Variants in SPATA16 observed in about 807,000 individuals in gnomAD.
The protein encoded by SPATA16 is spermatogenesis associated 16, also known as spermatogenesis-associated protein 16.
Under a neutral mutation model 63.3 loss-of-function variants are expected in SPATA16, and 36 were observed. The observed-to-expected ratio is 0.57, with a 90% CI of 0.44 to 0.75. The LOEUF (loss-of-function observed/expected upper bound fraction) is 0.75. Among genes scored for constraint, SPATA16 ranks in the 30% least tolerant of loss-of-function variants. The pLI, the probability that SPATA16 is intolerant of heterozygous loss-of-function variation, is 0.00. For missense variants in SPATA16, 646 were observed against 679.3 expected, an observed-to-expected ratio of 0.95 and a Z score of 0.54; for synonymous variants, 203 against 216.7, an observed-to-expected ratio of 0.94 and a Z score of 0.56.
At position 172,954,338 on chromosome 3, in the gene SPATA16, G is replaced by A. The variant is rs181152599; in HGVS notation, c.1081+2339C>T. Among the ~76,000 whole-genome samples, 2 of 152,246 alleles carry A rather than the reference G, an allele frequency of 1.3e-5. 1 individual carries two copies. The highest frequency in any genetic ancestry group is 1.3e-4 in the Admixed American group (2 of 15,284). On this transcript the variant is annotated intron_variant, in intron 6 of 10. Coordinates refer to ENST00000351008, the MANE Select transcript of SPATA16 (RefSeq NM_031955.6). Reference sequence around the variant, plus strand: ...TCATGTGAGACTTATTTACTACCATGAGAACAGTATGGGGGAAACCACCCC... The same window carrying A: ...TCATGTGAGACTTATTTACTACCATAAGAACAGTATGGGGGAAACCACCCC...
At chr3:172,961,059 CTTTCTTCTTT>C in intron 5 of SPATA16, among the ~76,000 whole-genome samples, 1 of 36,282 alleles carries the variant, frequency 2.8e-5, no homozygotes, top group Admixed American at 3.7e-4. Context: ...TTCTTTCTTT[CTTTCTTCTTT>C]CTTCCTTCCT....
At chr3:173,034,137 G>A (rs16846434) in intron 3 of SPATA16, among the ~76,000 whole-genome samples, 13,747 of 152,172 alleles carry the variant, frequency 0.09, 767 homozygotes, top group Middle Eastern at 0.13. Flanking sequence ...CACTGTTCAG[G>A]TTTTAAAGAA....
chr3:172,895,961 C>A (rs1732000284), intron 10 of SPATA16, among the ~76,000 whole-genome samples: 1 of 151,436 alleles, frequency 6.6e-6, no homozygotes, highest in African/African-American at 2.4e-5. Context: ...AGGGCAATTT[C>A]TAGGTTATAT....
At chr3:172,935,207 A>G (rs1164258595) in intron 6 of SPATA16, among the ~76,000 whole-genome samples, 2 of 152,220 alleles carry the variant, frequency 1.3e-5, no homozygotes, top group Non-Finnish European at 1.5e-5. Flanking sequence ...GTACGTGTCA[A>G]TAGTCCTACC....
At chr3:172,990,762 T>C (rs1734557633) in intron 4 of SPATA16, among the ~76,000 whole-genome samples, 1 of 152,154 alleles carries the variant, frequency 6.6e-6, no homozygotes, top group African/African-American at 2.4e-5. Context: ...TGTTCTTAAC[T>C]AGTCCACTTC....
At chr3:172,995,354 T>A (rs1045797687) in intron 4 of SPATA16, among the ~76,000 whole-genome samples, 1 of 152,044 alleles carries the variant, frequency 6.6e-6, no homozygotes, top group Non-Finnish European at 1.5e-5. Context: ...GCTAGATGTC[T>A]TCTTGGGGCT....
intron 6 of SPATA16, among the ~76,000 whole-genome samples, chr3:172,950,655 T>C (rs1441856962): frequency 6.6e-6 from 1 of 152,204 alleles, no homozygotes; most frequent in Non-Finnish European, 1.5e-5. Flanking sequence ...AACATAAGAA[T>C]GTATTATTCT....
At chr3:172,926,696 A>G (rs939684956) in intron 6 of SPATA16, among the ~76,000 whole-genome samples, 1 of 152,198 alleles carries the variant, frequency 6.6e-6, no homozygotes, top group African/African-American at 2.4e-5. Context: ...GTGCTTGAAG[A>G]GGTTACAAAC....
chr3:172,932,806 C>T, intron 6 of SPATA16, among the ~76,000 whole-genome samples: 1 of 151,592 alleles, frequency 6.6e-6, no homozygotes, highest in East Asian at 1.9e-4. Flanking sequence ...ATTATATTTC[C>T]CTTTGACCTT....
At chr3:172,965,629 T>G (rs930821155) in intron 5 of SPATA16, among the ~76,000 whole-genome samples, 2 of 151,834 alleles carry the variant, frequency 1.3e-5, no homozygotes, top group Admixed American at 1.3e-4. Flanking sequence ...TATTTTTCTT[T>G]ATTATTTATT....
chr3:172,923,849 C>T (rs1403835015), intron 8 of SPATA16, among the ~76,000 whole-genome samples: 3 of 152,100 alleles, frequency 2.0e-5, no homozygotes, highest in Non-Finnish European at 4.4e-5. Context: ...TGGTTATATG[C>T]AATAGCTCAA....
Position 173,123,227 on chromosome 3 carries a change from G to T in SPATA16, c.-18-5478C>A, listed in dbSNP as rs1163645476. Among the ~76,000 whole-genome samples the T allele has an allele frequency of 3.3e-5, 5 of 152,244 alleles. No homozygotes were observed. The East Asian group carries it at 9.6e-4, about 29-fold the overall frequency. On this transcript the variant is annotated intron_variant, in intron 1 of 10. Coordinates refer to ENST00000351008, the MANE Select transcript of SPATA16 (RefSeq NM_031955.6). ...CTCAGTTTATGAAGTTATCTCACTG[G>T]ATTAATCCATTTGTTTCTGACAACA...
chr3:172,948,017 G>A (rs1733334012), intron 6 of SPATA16, among the ~76,000 whole-genome samples: 1 of 150,948 alleles, frequency 6.6e-6, no homozygotes, highest in Non-Finnish European at 1.5e-5. Flanking sequence ...AAATATAAGA[G>A]TTATTGGCTT....
intron 4 of SPATA16, among the ~76,000 whole-genome samples, chr3:172,990,442 A>T (rs1253102950): frequency 6.6e-6 from 1 of 152,208 alleles, no homozygotes; most frequent in African/African-American, 2.4e-5. Flanking sequence ...TCCAGAAAAA[A>T]ATTTGCACTG....
At chr3:172,958,645 T>G (rs1446631676) in intron 5 of SPATA16, among the ~76,000 whole-genome samples, 1 of 152,182 alleles carries the variant, frequency 6.6e-6, no homozygotes, top group Non-Finnish European at 1.5e-5. Context: ...CAGAAATTTA[T>G]TTTCTCACAG....
At chr3:173,135,637 A>G (rs943253977) in intron 1 of SPATA16, among the ~76,000 whole-genome samples, 5 of 152,382 alleles carry the variant, frequency 3.3e-5, no homozygotes, top group Non-Finnish European at 7.3e-5. Flanking sequence ...AAGCAACCAC[A>G]TGGAAGAATC....
chr3:172,952,595 C>G (rs1458013572), intron 6 of SPATA16, among the ~76,000 whole-genome samples: 1 of 152,006 alleles, frequency 6.6e-6, no homozygotes. Context: ...AAATCTTCAT[C>G]TAATTGGAAG....
intron 5 of SPATA16, among the ~76,000 whole-genome samples, chr3:172,957,972 G>T (rs183816576): frequency 1.3e-5 from 2 of 151,960 alleles, no homozygotes; most frequent in Non-Finnish European, 1.5e-5. Context: ...GGATGCAAAG[G>T]GTCTTCCTTT....
chr3:173,071,679 C>T (rs555713306), intron 2 of SPATA16, among the ~76,000 whole-genome samples: 1 of 152,166 alleles, frequency 6.6e-6, no homozygotes, highest in African/African-American at 2.4e-5. Context: ...AGAAGACATG[C>T]AAATGGCCAA....
Sources: allele counts gnomAD v4.1 joint callset (sites outside exome capture counted in the v4.1 genomes callset), GRCh38; gene constraint gnomAD v4.1.1; transcripts MANE v1.5; gene names NCBI Gene and HGNC (gene_info 2026-07-23, HGNC 2026-07-21).